NAF1: variants seen among roughly 807,000 people sequenced by gnomAD.
NAF1 encodes H/ACA ribonucleoprotein complex non-core subunit NAF1.
NAF1 carries 11 observed loss-of-function variants against 40.6 expected under a neutral mutation model. That is an observed-to-expected ratio of 0.27 (90% CI 0.17 to 0.45). The LOEUF (loss-of-function observed/expected upper bound fraction) is 0.45, where lower values mean the gene tolerates loss of function less well. NAF1 is among the 20% of genes least tolerant of loss of function. NAF1 has a pLI of 1.00. For missense variants in NAF1, 607 were observed against 611.1 expected (o/e 0.99, Z 0.07); for synonymous variants, 260 against 228.5 (o/e 1.14, Z -1.24).
chr4:163,119,179 T>A (rs1454278254), intron 2 of NAF1, among the ~76,000 whole-genome samples: 1 of 152,196 alleles, frequency 6.6e-6, no homozygotes, highest in Non-Finnish European at 1.5e-5. Flanking sequence ...TGTTGTTGCG[T>A]ATGGGCATTT....
At chr4:163,154,363 T>C (rs1317829442) in intron 2 of NAF1, among the ~76,000 whole-genome samples, 1 of 152,064 alleles carries the variant, frequency 6.6e-6, no homozygotes, top group African/African-American at 2.4e-5. Flanking sequence ...CCACAAAACA[T>C]AAAAGGTATA....
At chr4:163,147,990 T>C (rs1277305392) in intron 3 of NAF1, among the ~76,000 whole-genome samples, 1 of 152,154 alleles carries the variant, frequency 6.6e-6, no homozygotes, top group Non-Finnish European at 1.5e-5. Context: ...ACACCTTTGA[T>C]TTTAAGCCCA....
chr4:163,148,684 A>C (rs752033872), intron 2 of NAF1, among the ~76,000 whole-genome samples: 6 of 152,202 alleles, frequency 3.9e-5, no homozygotes, highest in Non-Finnish European at 8.8e-5. Context: ...GAACACAGAC[A>C]TAAGTACTAT....
chr4:163,145,459 C>A (rs903995801), intron 4 of NAF1, among the ~76,000 whole-genome samples: 4 of 152,202 alleles, frequency 2.6e-5, no homozygotes, highest in African/African-American at 9.6e-5. Flanking sequence ...GTCTTCTTCA[C>A]TCAGCTGAGT....
intron 2 of NAF1, among the ~76,000 whole-genome samples, chr4:163,154,822 G>C (rs547069424): frequency 6.8e-4 from 103 of 151,294 alleles, no homozygotes; most frequent in African/African-American, 2.4e-3. Flanking sequence ...AGTGAGCAGA[G>C]ATCGCACCAT....
intron 2 of NAF1, chr4:163,156,866 G>A (rs921012684): frequency 1.8e-4 from 27 of 152,038 alleles, no homozygotes; most frequent in Non-Finnish European, 5.9e-5. Context: ...TGTTCTGGAT[G>A]TACATTATCT....
chr4:163,163,430 AATT>A (rs1410356100), intron 2 of NAF1, among the ~76,000 whole-genome samples: 2 of 152,264 alleles, frequency 1.3e-5, no homozygotes, highest in Admixed American at 1.3e-4. Context: ...GTTATATAAG[AATT>A]ATGATTAGTG....
downstream of NAF1, among the ~76,000 whole-genome samples, chr4:163,107,111 C>G (rs553772970): frequency 6.6e-6 from 1 of 152,068 alleles, no homozygotes; most frequent in East Asian, 1.9e-4. Flanking sequence ...CTTAGCCTCC[C>G]GAGTAGCTGG....
downstream of NAF1, among the ~76,000 whole-genome samples, chr4:163,126,232 G>A (rs1730651651): frequency 1.3e-5 from 2 of 152,194 alleles, no homozygotes; most frequent in Admixed American, 1.3e-4. Context: ...CTGTCACAGT[G>A]ATTCCTCTGA....
intron 1 of NAF1, among the ~76,000 whole-genome samples, chr4:163,165,454 C>A (rs1440795469): frequency 2.0e-5 from 3 of 152,182 alleles, no homozygotes; most frequent in Non-Finnish European, 4.4e-5. Context: ...GCTCTGAAAT[C>A]CCACAAGATG....
Position 163,164,365 on chromosome 4 carries a change from G to T in NAF1, c.392C>A (p.Ser131Ter). 6.3e-7 allele frequency: 1 copy of T among 1,585,834 alleles called. No individual in the cohort carries two copies. Among genetic ancestry groups the T allele is most frequent in the South Asian group, 1.2e-5 (1 of 84,952 alleles). Residue 131 changes from serine to a stop codon, truncating the protein, a stop_gained, in exon 2 of 8, where the codon TCA becomes TAA. Transcript: ENST00000274054. LOFTEE classifies it high-confidence loss of function. ...DSETDSDSSS[S>*]SSSSSSSSSS... is the part of the protein sequence containing the mutation. ...TGAGGAAGATGAAGAGGAAGACGAT[G>T]AACTTGAACTATCTGAATCTGTTTC...
downstream of NAF1, chr4:163,127,027 A>G: frequency 6.4e-7 from 1 of 1,551,664 alleles, no homozygotes; most frequent in African/African-American, 1.4e-5. Flanking sequence ...TAACTTTTAT[A>G]TGCATTTGGA....
intron 2 of NAF1, among the ~76,000 whole-genome samples, chr4:163,152,863 A>G (rs1442674828): frequency 1.3e-5 from 2 of 152,194 alleles, no homozygotes; most frequent in African/African-American, 2.4e-5. Context: ...CGCGAGCGGG[A>G]ACCGGGGCTG....
At position 163,166,411 on chromosome 4, in the gene NAF1, C is replaced by A. The variant is rs1477618100; in HGVS notation, c.317G>T (p.Arg106Leu). The A allele has an allele frequency of 6.2e-7, 1 of 1,607,794 alleles. No individual in the cohort carries two copies. The highest frequency in any genetic ancestry group is 1.1e-5 in the South Asian group (1 of 90,662). The change falls in exon 1 of 8, where the codon CGG becomes CTG. Residue 106 changes from arginine (R) to leucine (L), a missense_variant. This residue lies in a region of NAF1 where 407 missense variants were observed against 365.5 expected (regional missense o/e 1.11). Coordinates refer to ENST00000274054, the MANE Select transcript of NAF1 (RefSeq NM_138386.3). Reference protein sequence around the residue: ...VTSPGAAEPARAPDSLETSDS... With the variant: ...VTSPGAAEPALAPDSLETSDS... ...CGAGGTCTCCAAGGAGTCCGGCGCCCGCGCAGGCTCTGCGGCTCCTGGGGA... is the reference window on the plus strand; with the variant it reads ...CGAGGTCTCCAAGGAGTCCGGCGCCAGCGCAGGCTCTGCGGCTCCTGGGGA...
At position 163,132,275 on chromosome 4, in the gene NAF1, T is replaced by C. The variant is rs746104510; in HGVS notation, c.1033+879A>G. ...CAAAAAACCTGTATATAAATATTTATAGCTGCTTTATTCCTAATAACCCCA... is the reference window on the plus strand; with the variant it reads ...CAAAAAACCTGTATATAAATATTTACAGCTGCTTTATTCCTAATAACCCCA... On this transcript the variant is annotated intron_variant, in intron 7 of 7. Coordinates refer to ENST00000274054, the MANE Select transcript of NAF1 (RefSeq NM_138386.3). 6.2e-4 allele frequency among the ~76,000 whole-genome samples: 95 copies of C among 152,216 alleles called. 1 individual carries two copies. Among genetic ancestry groups the C allele is most frequent in the African/African-American group, 2.1e-3 (86 of 41,460 alleles).
chr4:163,117,952 A>G (rs1730401147), intron 2 of NAF1, among the ~76,000 whole-genome samples: 1 of 152,200 alleles, frequency 6.6e-6, no homozygotes. Context: ...ATTTTTCTAA[A>G]ATGCTATGAT....
At chr4:163,115,251 CAGGCTGG>C (rs1730297410) in intron 2 of NAF1, among the ~76,000 whole-genome samples, 1 of 145,854 alleles carries the variant, frequency 6.9e-6, no homozygotes, top group Non-Finnish European at 1.5e-5. Flanking sequence ...CTCTGTCGCC[CAGGCTGG>C]AGTGCAGTGG....
At chr4:163,126,989 C>T (rs1393121583), downstream of NAF1, 5 of 1,550,498 alleles carry the variant, frequency 3.2e-6, no homozygotes, top group Non-Finnish European at 4.4e-6. Flanking sequence ...CTATTGCATA[C>T]TTAATAAACT....
intron 2 of NAF1, among the ~76,000 whole-genome samples, chr4:163,152,318 T>A (rs1193740423): frequency 4.6e-5 from 7 of 152,224 alleles, no homozygotes; most frequent in Admixed American, 4.6e-4. Context: ...TAATTTCCTG[T>A]AAGTTGAGCA....
Sources: allele counts gnomAD v4.1 joint callset (sites outside exome capture counted in the v4.1 genomes callset), GRCh38; gene constraint gnomAD v4.1.1; regional missense constraint gnomAD v4.1.1; transcripts MANE v1.5; gene names NCBI Gene and HGNC (gene_info 2026-07-23, HGNC 2026-07-21).